ZNF638: variants seen among roughly 807,000 people sequenced by gnomAD.
ZNF638 encodes CTCL tumor antigen se33-1.
ZNF638 carries 46 observed loss-of-function variants against 195.6 expected under a neutral mutation model. That is an observed-to-expected ratio of 0.24 (90% confidence interval 0.19 to 0.30). ZNF638 has a LOEUF of 0.30. Among genes scored for constraint, ZNF638 ranks in the 10% least tolerant of loss-of-function variants. The pLI, the probability that ZNF638 is intolerant of heterozygous loss-of-function variation, is 1.00. For missense variants in ZNF638, 2,440 were observed against 2,325.3 expected, an observed-to-expected ratio of 1.05 and a Z score of -1.01; for synonymous variants, 845 against 772.0, an observed-to-expected ratio of 1.09 and a Z score of -1.57.
chr2:71,350,567 G>A (rs1026813046), intron 2 of ZNF638, among the ~76,000 whole-genome samples: 7 of 152,084 alleles, frequency 4.6e-5, no homozygotes, highest in African/African-American at 1.2e-4. Flanking sequence ...CATAAGCTGC[G>A]TACTTACAAG....
intron 1 of ZNF638, among the ~76,000 whole-genome samples, chr2:71,346,256 C>T (rs887666948): frequency 6.6e-6 from 1 of 152,186 alleles, no homozygotes; most frequent in Admixed American, 6.5e-5. Context: ...ACATGATAAA[C>T]TGCTTACATA....
At chr2:71,401,899 TAAGTA>T (rs1457258791) in intron 15 of ZNF638, 52 bp from the exon 16 acceptor site, 5 of 1,456,246 alleles carry the variant, frequency 3.4e-6, no homozygotes, top group Non-Finnish European at 4.6e-6. Context: ...AGTATAAACT[TAAGTA>T]AATATGAAAC....
chr2:71,400,233 C>T (rs1172520812), intron 14 of ZNF638, 53 bp downstream of exon 14: 5 of 1,375,914 alleles, frequency 3.6e-6, no homozygotes, highest in African/African-American at 2.9e-5. Flanking sequence ...TTACCAATGC[C>T]ATACCTAAGT....
intron 10 of ZNF638, among the ~76,000 whole-genome samples, chr2:71,382,569 C>G (rs1412705093): frequency 1.3e-5 from 2 of 152,032 alleles, no homozygotes; most frequent in Non-Finnish European, 2.9e-5. Flanking sequence ...CGAGCTCTTA[C>G]CCAGTACTAA....
chr2:71,364,583 C>T (rs1009688776), intron 5 of ZNF638, among the ~76,000 whole-genome samples: 2 of 152,062 alleles, frequency 1.3e-5, no homozygotes, highest in Non-Finnish European at 2.9e-5. Flanking sequence ...TTTTATGACC[C>T]TTTCAGAACT....
At chr2:71,428,341 T>A (rs2080582037) in intron 24 of ZNF638, among the ~76,000 whole-genome samples, 1 of 152,204 alleles carries the variant, frequency 6.6e-6, no homozygotes, top group African/African-American at 2.4e-5. Flanking sequence ...TGGAAAATGA[T>A]AACTGGGAAC....
Position 71,364,116 on chromosome 2 carries a change from T to C in ZNF638, c.1581T>C (p.His527=), listed in dbSNP as rs943120361. Residue 527 remains histidine (H), a synonymous_variant, in exon 5 of 28, where the codon CAT becomes CAC. Transcript: ENST00000264447. ...GAAGTCGAAGTCCAAGAATTTGCCATCGTTTCATTTCTAGATACAGATCCA... is the reference window on the plus strand; with the variant it reads ...GAAGTCGAAGTCCAAGAATTTGCCACCGTTTCATTTCTAGATACAGATCCA... The part of the protein sequence containing the change: ...RPRSRSPRIC[H]RFISRYRSRS... 6.2e-7 allele frequency: 1 copy of C among 1,614,028 alleles called. No homozygotes were observed. Among genetic ancestry groups the C allele is most frequent in the African/African-American group, 1.3e-5 (1 of 74,906 alleles).
chr2:71,405,942 G>A (rs1167020386), intron 18 of ZNF638, among the ~76,000 whole-genome samples, 186 bp from the exon 19 acceptor site: 4 of 152,102 alleles, frequency 2.6e-5, no homozygotes. Context: ...TCCCATTTTA[G>A]TACGTCATTT....
At chr2:71,357,641 CTATT>C (rs1373887114) in intron 3 of ZNF638, among the ~76,000 whole-genome samples, 2 of 152,134 alleles carry the variant, frequency 1.3e-5, no homozygotes, top group African/African-American at 4.8e-5. Flanking sequence ...ATGTATATAT[CTATT>C]AAAGCCTTTA....
chr2:71,395,565 G>A (rs1392452291), intron 10 of ZNF638: 5 of 600,128 alleles, frequency 8.3e-6, no homozygotes, highest in Non-Finnish European at 1.5e-5. Flanking sequence ...GCAGACCTTT[G>A]ATCATCCTAT....
At chr2:71,342,089 T>TA (rs2078770961) in intron 1 of ZNF638, among the ~76,000 whole-genome samples, 1 of 151,280 alleles carries the variant, frequency 6.6e-6, no homozygotes, top group Admixed American at 6.6e-5. Context: ...TAGTAATAGT[T>TA]AAAAAAGTCA....
intron 11 of ZNF638, 138 bp downstream of exon 11, chr2:71,396,329 TC>T (rs1275356051): frequency 5.9e-6 from 4 of 673,568 alleles, no homozygotes; most frequent in African/African-American, 5.5e-5. Context: ...TTTATAATCA[TC>T]TAGCAATTTT....
rs2078905651 is a variant in ZNF638, at chr2:71,349,446, A to G, written c.492A>G (p.Gln164=). 1.9e-6 allele frequency: 3 copies of G among 1,614,188 alleles called. No individual in the cohort carries two copies. The highest frequency in any genetic ancestry group is 2.5e-6 in the Non-Finnish European group (3 of 1,180,028). ...LEELSRYPDE[Q]LTPENMPLIL... is the part of the protein sequence containing the mutation. ...AACTTAGTCGCTATCCTGATGAACA[A>G]CTAACTCCTGAAAATATGCCATTAA... Residue 164 remains glutamine, a synonymous_variant, in exon 2 of 28, where the codon CAA becomes CAG. Coordinates refer to ENST00000264447, the MANE Select transcript of ZNF638 (RefSeq NM_014497.5).
intron 8 of ZNF638, among the ~76,000 whole-genome samples, chr2:71,371,843 T>G (rs1238161572): frequency 6.6e-6 from 1 of 152,092 alleles, no homozygotes; most frequent in Non-Finnish European, 1.5e-5. Flanking sequence ...TAGTTTGCAA[T>G]TATTTTCTCT....
chr2:71,388,419 TC>T (rs1558861326), intron 10 of ZNF638: 2 of 678,006 alleles, frequency 2.9e-6, no homozygotes, highest in Admixed American at 4.1e-5. Context: ...GCAGGACTGC[TC>T]CCTACAGGCG....
intron 20 of ZNF638, among the ~76,000 whole-genome samples, chr2:71,411,807 A>T (rs2152589717): frequency 2.4e-5 from 1 of 42,072 alleles, no homozygotes; most frequent in South Asian, 9.5e-4. Context: ...ACATGAACTC[A>T]TCATTTTTTA....
At position 71,380,575 on chromosome 2, in the gene ZNF638, T is replaced by A; in HGVS notation, c.2377+10T>A. On this transcript the variant is annotated intron_variant, in intron 10 of 27. Transcript: ENST00000264447. The stretch of plus-strand genomic sequence containing the variant: ...ACTTCAACTTCTGCTGGTAAGTTGT[T>A]ACTTTTAATATTCTTTCAAATGAGT... 1 of 1,596,876 alleles carries A rather than the reference T, an allele frequency of 6.3e-7. No individual in the cohort carries two copies.
In ZNF638 at chr2:71,423,322, A is replaced by G; in HGVS notation, c.3808A>G (p.Thr1270Ala). The G allele has an allele frequency of 2.5e-6, 4 of 1,613,896 alleles. No homozygotes were observed. The highest frequency in any genetic ancestry group is 3.4e-6 in the Non-Finnish European group (4 of 1,179,968). Residue 1270 changes from threonine (T) to alanine (A), a missense_variant, in exon 22 of 28, where the codon ACT becomes GCT. Thr to Ala is a moderately conservative substitution (Grantham distance 58, BLOSUM62 0). Coordinates refer to ENST00000264447, the MANE Select transcript of ZNF638 (RefSeq NM_014497.5). Reference protein sequence around the residue: ...EAVAEVEKNETVSEILPSTCI... With the variant: ...EAVAEVEKNEAVSEILPSTCI... ...TGTAGCTGAAGTAGAAAAAAATGAA[A>G]CTGTTTCGGAAATATTGCCATCAAC...
chr2:71,370,924 T>A (rs914481939), intron 8 of ZNF638, among the ~76,000 whole-genome samples: 2 of 152,176 alleles, frequency 1.3e-5, no homozygotes, highest in African/African-American at 4.8e-5. Context: ...TACTGGGTCT[T>A]ACTCATTCTG....
Sources: allele counts gnomAD v4.1 joint callset (sites outside exome capture counted in the v4.1 genomes callset), GRCh38; gene constraint gnomAD v4.1.1; transcripts MANE v1.5; gene names NCBI Gene and HGNC (gene_info 2026-07-23, HGNC 2026-07-21).